Variants in RAP1GDS1 observed in about 807,000 individuals in gnomAD.
RAP1GDS1 encodes the protein Rap1 GTPase-GDP dissociation stimulator 1.
In RAP1GDS1, 35 loss-of-function variants were observed where a neutral mutation model predicts 71.1. That is an observed-to-expected ratio of 0.49 (90% CI 0.38 to 0.65). RAP1GDS1 has a LOEUF of 0.65. Ranked by LOEUF, RAP1GDS1 falls within the 30% of genes least tolerant of loss-of-function variation. RAP1GDS1 has a pLI of 0.00. For synonymous variants in RAP1GDS1, 229 were observed against 243.1 expected (o/e 0.94, Z 0.54); for missense variants, 663 against 706.1 (o/e 0.94, Z 0.69).
intron 14 of RAP1GDS1, among the ~76,000 whole-genome samples, chr4:98,439,871 A>G (rs986343111): frequency 2.0e-5 from 3 of 152,196 alleles, no homozygotes; most frequent in Non-Finnish European, 2.9e-5. Flanking sequence ...ACCATTTTTA[A>G]GTATACAGTT....
chr4:98,434,487 C>T (rs561857477), intron 13 of RAP1GDS1, among the ~76,000 whole-genome samples: 2 of 152,220 alleles, frequency 1.3e-5, no homozygotes, highest in East Asian at 3.9e-4. Flanking sequence ...CCTTCTCCAT[C>T]ACCGTGACTT....
chr4:98,299,972 T>C (rs1290740286), intron 2 of RAP1GDS1, among the ~76,000 whole-genome samples: 1 of 152,122 alleles, frequency 6.6e-6, no homozygotes, highest in Non-Finnish European at 1.5e-5. Flanking sequence ...GCTGTGAACA[T>C]TGAAATGACA....
rs1355674982 is a variant in RAP1GDS1 at position 98,261,660 on chromosome 4, CG to C, written c.4+93del. The C allele has an allele frequency of 2.1e-6, 3 of 1,453,150 alleles. No homozygotes were observed. In the African/African-American group the frequency reaches 4.3e-5, roughly 21 times the overall value. The allele number at this position is 1,453,150 out of a possible 1,614,324, so 90.0% of individuals were successfully genotyped here. Reference sequence around the variant, plus strand: ...GGAAGCATTTCTCGCGCAAAGTTGCCGGATTTCTCCAGTCCCCGGGTGTGAG... The same window carrying C: ...GGAAGCATTTCTCGCGCAAAGTTGCCGATTTCTCCAGTCCCCGGGTGTGAG... On this transcript the variant is annotated intron_variant, in intron 1 of 14. Transcript: ENST00000408927.
intron 2 of RAP1GDS1, among the ~76,000 whole-genome samples, chr4:98,333,026 G>A (rs1473232917): frequency 3.3e-5 from 5 of 151,928 alleles, no homozygotes; most frequent in Admixed American, 3.3e-4. Context: ...ACCATCTTTA[G>A]GTTGAAAATT....
At chr4:98,341,637 T>G (rs1213859880) in intron 2 of RAP1GDS1, among the ~76,000 whole-genome samples, 1 of 152,204 alleles carries the variant, frequency 6.6e-6, no homozygotes, top group African/African-American at 2.4e-5. Context: ...AAGGTTATAT[T>G]TCTTCTGGTA....
chr4:98,423,899 G>T (rs932806023), intron 12 of RAP1GDS1, among the ~76,000 whole-genome samples: 1 of 152,106 alleles, frequency 6.6e-6, no homozygotes, highest in African/African-American at 2.4e-5. Context: ...AGAAAGGACA[G>T]TTATTGCAAA....
rs551405212 is a variant in RAP1GDS1 at position 98,293,485 on chromosome 4, G to T, written c.82G>T (p.Asp28Tyr). ...TGAGGATAGTTTAGAAGGATGCTTG[G>T]ATTGTCTGCTTCAAGCCCTGGCTCA... Reference protein sequence around the residue: ...KTEDSLEGCLDCLLQALAQNN... With the variant: ...KTEDSLEGCLYCLLQALAQNN... Residue 28 changes from aspartate to tyrosine, a missense_variant, in exon 2 of 15, where the codon GAT (aspartate) becomes TAT (tyrosine). Coordinates refer to ENST00000408927, the MANE Select transcript of RAP1GDS1 (RefSeq NM_001100427.2). 6.2e-6 allele frequency: 10 copies of T among 1,608,992 alleles called. No individual in the cohort carries two copies. In the East Asian group the frequency reaches 2.0e-4, roughly 32 times the overall value.
intron 4 of RAP1GDS1, among the ~76,000 whole-genome samples, chr4:98,354,314 G>A (rs183333103): frequency 9.9e-4 from 150 of 151,516 alleles, no homozygotes; most frequent in Non-Finnish European, 1.7e-3. Flanking sequence ...CACCCGCCTC[G>A]GCCTCCCAAA....
chr4:98,337,541 T>C (rs892505795), intron 2 of RAP1GDS1, among the ~76,000 whole-genome samples: 2 of 152,190 alleles, frequency 1.3e-5, no homozygotes, highest in East Asian at 1.9e-4. Context: ...ATCATCCCTA[T>C]CTCAGATGAC....
intron 12 of RAP1GDS1, 79 bp downstream of exon 12, chr4:98,421,473 C>T: frequency 7.5e-7 from 1 of 1,339,466 alleles, no homozygotes; most frequent in African/African-American, 1.5e-5. Context: ...GTCCTAACAA[C>T]TGGGATAATA....
intron 4 of RAP1GDS1, among the ~76,000 whole-genome samples, chr4:98,360,490 A>G (rs1225565293): frequency 2.0e-5 from 3 of 152,064 alleles, no homozygotes. Context: ...TTTTTTGTCT[A>G]AATCTGTTTT....
At chr4:98,379,304 A>G (rs1741643865) in intron 5 of RAP1GDS1, 141 bp downstream of exon 5, 1 of 900,518 alleles carries the variant, frequency 1.1e-6, no homozygotes, top group South Asian at 2.7e-5. Flanking sequence ...AGCCAACATT[A>G]AATTTCAATG....
rs899156678 is a variant in RAP1GDS1, at chr4:98,442,890, C to A, written c.*773C>A. On this transcript the variant is annotated 3_prime_UTR_variant, in exon 15 of 15. Transcript: ENST00000408927. ...CTTGTATTTTAGATTCTGATACATA[C>A]GCTGTTTCACTCAGGAACTACTTCT... The A allele has an allele frequency of 4.3e-6, 1 of 231,588 alleles. No individual in the cohort carries two copies. The highest frequency in any genetic ancestry group is 8.5e-6 in the Non-Finnish European group (1 of 117,162). The allele number at this position is 231,588 out of a possible 1,614,324, so 14.3% of individuals were successfully genotyped here.
chr4:98,418,704 A>G lies in RAP1GDS1; in HGVS notation c.1087A>G (p.Met363Val). 1.2e-6 allele frequency: 2 copies of G among 1,611,950 alleles called. No individual in the cohort carries two copies. Among genetic ancestry groups the G allele is most frequent in the South Asian group, 1.1e-5 (1 of 90,536 alleles). Reference sequence around the variant, plus strand: ...AGACAATGGGATTGTAGAAAAACTTATGGATTTACTGGACAGACATGTAGA... The same window carrying G: ...AGACAATGGGATTGTAGAAAAACTTGTGGATTTACTGGACAGACATGTAGA... ...MVDNGIVEKL[M>V]DLLDRHVEDG... is the part of the protein sequence containing the mutation. Residue 363 changes from methionine to valine, a missense_variant, in exon 10 of 15, where the codon ATG (methionine) becomes GTG (valine). Met to Val is a conservative substitution (Grantham distance 21, BLOSUM62 1). Coordinates refer to ENST00000408927, the MANE Select transcript of RAP1GDS1 (RefSeq NM_001100427.2).
Position 98,442,444 on chromosome 4 carries a change from A to G in RAP1GDS1, c.*327A>G. The G allele has an allele frequency of 4.0e-6, 1 of 252,666 alleles. No individual in the cohort carries two copies. The highest frequency in any genetic ancestry group is 7.7e-6 in the Non-Finnish European group (1 of 130,390). 15.7% of individuals were successfully genotyped at this position (252,666 alleles called of 1,614,324 possible). ...AATGACTTGCTCCACACATGCAGTA[A>G]ACTACATAATGATGTACTGGTAAAC... On this transcript the variant is annotated 3_prime_UTR_variant, in exon 15 of 15. Transcript: ENST00000408927.
chr4:98,291,483 G>C (rs1167516642), intron 1 of RAP1GDS1, among the ~76,000 whole-genome samples: 2 of 152,090 alleles, frequency 1.3e-5, no homozygotes, highest in Non-Finnish European at 2.9e-5. Context: ...GGATGCTAAG[G>C]ATTTACTACT....
intron 2 of RAP1GDS1, among the ~76,000 whole-genome samples, chr4:98,315,025 GTC>G (rs1263022328): frequency 6.6e-6 from 1 of 152,174 alleles, no homozygotes; most frequent in Non-Finnish European, 1.5e-5. Context: ...GAAATGTAGT[GTC>G]TGTAGTTTCA....
At chr4:98,310,551 T>C (rs1196089832) in intron 2 of RAP1GDS1, among the ~76,000 whole-genome samples, 1 of 152,208 alleles carries the variant, frequency 6.6e-6, no homozygotes, top group African/African-American at 2.4e-5. Context: ...TTTGATTGAA[T>C]TCGTTCTTTA....
At chr4:98,373,695 A>C (rs563794371) in intron 4 of RAP1GDS1, among the ~76,000 whole-genome samples, 12 of 152,306 alleles carry the variant, frequency 7.9e-5, no homozygotes, top group Admixed American at 1.3e-4. Flanking sequence ...AAACCTGTAT[A>C]TATCATGTCT....
Sources: allele counts gnomAD v4.1 joint callset (sites outside exome capture counted in the v4.1 genomes callset), GRCh38; gene constraint gnomAD v4.1.1; transcripts MANE v1.5; gene names NCBI Gene and HGNC (gene_info 2026-07-23, HGNC 2026-07-21).